Variants in BMPR1B observed in about 807,000 individuals in gnomAD.
BMPR1B encodes bone morphogenetic protein receptor type-1B.
BMPR1B carries 12 observed loss-of-function variants against 59.1 expected under a neutral mutation model. That is an observed-to-expected ratio of 0.20 (90% CI 0.13 to 0.33). BMPR1B has a LOEUF of 0.33. Among genes scored for constraint, BMPR1B ranks in the 10% least tolerant of loss-of-function variants. The probability of loss-of-function intolerance (pLI) is 1.00; values close to 1 mark genes in which losing one functional copy is unlikely to be tolerated. For synonymous variants in BMPR1B, 237 were observed against 207.3 expected (o/e 1.14, Z -1.23); for missense variants, 550 against 610.9 (o/e 0.90, Z 1.05).
At chr4:94,823,844 T>C (rs2110658555) in intron 1 of BMPR1B, among the ~76,000 whole-genome samples, 1 of 152,228 alleles carries the variant, frequency 6.6e-6, no homozygotes, top group African/African-American at 2.4e-5. Context: ...GTCTCCTTGG[T>C]TCACACCACT....
At chr4:95,028,243 C>T (rs1267376684) in intron 3 of BMPR1B, among the ~76,000 whole-genome samples, 1 of 152,064 alleles carries the variant, frequency 6.6e-6, no homozygotes, top group Non-Finnish European at 1.5e-5. Flanking sequence ...AAGCAAAACT[C>T]CCTCCAAATG....
chr4:94,854,403 T>G (rs1359339142), intron 1 of BMPR1B, among the ~76,000 whole-genome samples: 1 of 152,140 alleles, frequency 6.6e-6, no homozygotes, highest in Non-Finnish European at 1.5e-5. Flanking sequence ...TATTTACAAA[T>G]GAAGGCTGAA....
intron 6 of BMPR1B, among the ~76,000 whole-genome samples, chr4:95,123,502 G>C (rs1044641519): frequency 3.8e-4 from 58 of 152,144 alleles, no homozygotes; most frequent in African/African-American, 1.3e-3. Context: ...TGTTTCTATT[G>C]TGGGTGCACA....
chr4:94,809,293 C>G (rs1723725321), intron 1 of BMPR1B, among the ~76,000 whole-genome samples: 1 of 152,112 alleles, frequency 6.6e-6, no homozygotes, highest in African/African-American at 2.4e-5. Context: ...GCTTCATCCC[C>G]TTTATACTAC....
intron 1 of BMPR1B, among the ~76,000 whole-genome samples, chr4:94,811,485 C>G (rs1420281192): frequency 6.6e-6 from 1 of 152,098 alleles, no homozygotes; most frequent in Non-Finnish European, 1.5e-5. Flanking sequence ...GCTCGAATAG[C>G]TGTAATCAGC....
At chr4:94,821,356 G>T (rs937042823) in intron 1 of BMPR1B, among the ~76,000 whole-genome samples, 15 of 152,188 alleles carry the variant, frequency 9.9e-5, no homozygotes, top group African/African-American at 3.4e-4. Context: ...AACAAAAAGT[G>T]TTTAATAATA....
intron 1 of BMPR1B, among the ~76,000 whole-genome samples, chr4:94,799,622 AT>A (rs946209375): frequency 1.3e-5 from 2 of 150,440 alleles, no homozygotes; most frequent in South Asian, 2.1e-4. Flanking sequence ...TTAATTCATG[AT>A]TTTTTTTCCC....
At chr4:94,934,453 G>GTTTTTTTTTTTTTTT (rs371268875) in intron 2 of BMPR1B, among the ~76,000 whole-genome samples, 1 of 115,288 alleles carries the variant, frequency 8.7e-6, no homozygotes, top group Non-Finnish European at 1.7e-5. Context: ...CCCAGCTATG[G>GTTTTTTTTTTTTTTT]TTTTTTTTTT....
At chr4:94,761,761 C>T (rs1156616603) in intron 1 of BMPR1B, among the ~76,000 whole-genome samples, 2 of 152,014 alleles carry the variant, frequency 1.3e-5, no homozygotes, top group Non-Finnish European at 2.9e-5. Context: ...GTATTAAAGA[C>T]AGAAGGAAAA....
At chr4:94,818,432 A>G (rs1181533192) in intron 1 of BMPR1B, among the ~76,000 whole-genome samples, 2 of 152,166 alleles carry the variant, frequency 1.3e-5, no homozygotes, top group African/African-American at 2.4e-5. Flanking sequence ...GGGTTACACA[A>G]CTGGTTTGAG....
chr4:94,926,048 A>AC (rs1728874651), intron 2 of BMPR1B, among the ~76,000 whole-genome samples: 1 of 18,694 alleles, frequency 5.3e-5, no homozygotes, highest in African/African-American at 2.7e-4. Context: ...CCTCCCTCCT[A>AC]CCCTCCCTCC....
intron 1 of BMPR1B, among the ~76,000 whole-genome samples, chr4:94,789,236 A>G (rs963866155): frequency 6.6e-6 from 1 of 152,178 alleles, no homozygotes; most frequent in East Asian, 1.9e-4. Context: ...TGAGGCACCC[A>G]CTTACCGAGT....
chr4:95,088,241 A>G lies in BMPR1B; in HGVS notation c.-17-16167A>G, dbSNP rs1729734666. ...TTATAGTATAATAGCTCCTGAAGTG[A>G]GTCAGCATTATCAGCTAGAGTCTCC... On this transcript the variant is annotated intron_variant, in intron 3 of 12. Transcript: ENST00000515059. Among the ~76,000 whole-genome samples the G allele has an allele frequency of 2.6e-5, 4 of 152,280 alleles. No homozygotes were observed. In the South Asian group the frequency reaches 8.3e-4, roughly 32 times the overall value.
At position 94,789,545 on chromosome 4, in the gene BMPR1B, A is replaced by C. The variant is rs1387511926; in HGVS notation, c.-183+31477A>C. On this transcript the variant is annotated intron_variant, in intron 1 of 12. Coordinates refer to ENST00000515059, the MANE Select transcript of BMPR1B (RefSeq NM_001203.3). ...TTTATGACCCATTTGAACTTGAATA[A>C]AAAAATCACTTGAATTTACTTTTTG... is the stretch of plus-strand genomic sequence containing the variant. Among the ~76,000 whole-genome samples the C allele has an allele frequency of 4.0e-5, 4 of 100,266 alleles. No individual in the cohort carries two copies. The Admixed American group carries it at 4.6e-4, about 12-fold the overall frequency. 65.8% of individuals were successfully genotyped at this position (100,266 alleles called of 152,430 possible). A position where few individuals can be genotyped will look rare whatever the true frequency, so the allele number is the denominator to read the frequency against.
At chr4:95,100,001 C>G (rs1277785566) in intron 3 of BMPR1B, among the ~76,000 whole-genome samples, 1 of 152,098 alleles carries the variant, frequency 6.6e-6, no homozygotes, top group Non-Finnish European at 1.5e-5. Context: ...ATACATAAGT[C>G]GTTTTATTAA....
chr4:95,104,287 GTTTAAATC>G, intron 3 of BMPR1B, 113 bp from the exon 4 acceptor site: 4 of 1,195,156 alleles, frequency 3.3e-6, no homozygotes, highest in Non-Finnish European at 4.7e-6. Context: ...CTGTTTTTCT[GTTTAAATC>G]TTTAAGTATC....
chr4:94,960,435 T>A (rs1051435895), intron 2 of BMPR1B, among the ~76,000 whole-genome samples: 4 of 152,118 alleles, frequency 2.6e-5, no homozygotes, highest in African/African-American at 9.7e-5. Flanking sequence ...TATATAGTCA[T>A]AAGTCATGTG....
chr4:94,889,523 G>A (rs1297029709), intron 2 of BMPR1B, among the ~76,000 whole-genome samples: 1 of 152,040 alleles, frequency 6.6e-6, no homozygotes, highest in Non-Finnish European at 1.5e-5. Flanking sequence ...TTCTCAAAAG[G>A]TGTTTATCAA....
At chr4:94,810,881 C>T (rs1723785408) in intron 1 of BMPR1B, among the ~76,000 whole-genome samples, 7 of 152,178 alleles carry the variant, frequency 4.6e-5, no homozygotes, top group Admixed American at 3.9e-4. Context: ...AGGGATCAAG[C>T]GTCTTCATCA....
Sources: allele counts gnomAD v4.1 joint callset (sites outside exome capture counted in the v4.1 genomes callset), GRCh38; gene constraint gnomAD v4.1.1; transcripts MANE v1.5; gene names NCBI Gene and HGNC (gene_info 2026-07-23, HGNC 2026-07-21).